The following RIPOR2 variants were observed in gnomAD, a reference collection of about 807,000 sequenced individuals.
RIPOR2 encodes RHO family interacting cell polarization regulator 2.
Under a neutral mutation model 114.5 loss-of-function variants are expected in RIPOR2, and 39 were observed. The ratio of observed to expected loss-of-function variants is 0.34; its 90% confidence interval spans 0.26 to 0.44. RIPOR2 has a LOEUF of 0.44. RIPOR2 is among the 20% of genes least tolerant of loss of function. RIPOR2 has a pLI of 1.00. For synonymous variants in RIPOR2, 445 were observed against 484.4 expected (o/e 0.92, Z 1.07); for missense variants, 1,007 against 1,255.1 (o/e 0.80, Z 2.99).
intron 20 of RIPOR2, among the ~76,000 whole-genome samples, chr6:24,810,066 G>A (rs907968046): frequency 2.6e-5 from 4 of 152,172 alleles, no homozygotes; most frequent in African/African-American, 9.7e-5. Context: ...GCCCAGGCTA[G>A]TCGAATTCTT....
At chr6:24,925,208 C>T (rs1463252689) in intron 1 of RIPOR2, among the ~76,000 whole-genome samples, 4 of 152,236 alleles carry the variant, frequency 2.6e-5, no homozygotes, top group African/African-American at 9.6e-5. Flanking sequence ...TCACTGTGTG[C>T]AGTTCTCAGT....
At chr6:24,869,017 A>G (rs1387194729) in intron 6 of RIPOR2, 77 bp downstream of exon 6, 4 of 798,286 alleles carry the variant, frequency 5.0e-6, no homozygotes, top group Non-Finnish European at 8.3e-6. Context: ...CGCACTAGAT[A>G]CTACGCTCAG....
chr6:24,847,531 G>C (rs1298689837), intron 12 of RIPOR2: 1 of 1,550,170 alleles, frequency 6.5e-7, no homozygotes, highest in East Asian at 2.4e-5. Flanking sequence ...ACCCGGGCAG[G>C]CCACACTCAC....
chr6:24,986,435 A>G (rs1293751946), intron 1 of RIPOR2, among the ~76,000 whole-genome samples: 1 of 152,240 alleles, frequency 6.6e-6, no homozygotes, highest in Admixed American at 6.5e-5. Context: ...TAAAAAGGCA[A>G]TTACATCTGG....
At chr6:24,847,245 G>A (rs544389427) in intron 12 of RIPOR2, among the ~76,000 whole-genome samples, 50 of 152,332 alleles carry the variant, frequency 3.3e-4, no homozygotes, top group African/African-American at 1.2e-3. Context: ...GAGCCACCAT[G>A]CTGGGCCGAA....
intron 18 of RIPOR2, among the ~76,000 whole-genome samples, chr6:24,827,198 C>T (rs1386382562): frequency 1.3e-5 from 2 of 152,144 alleles, no homozygotes; most frequent in Non-Finnish European, 2.9e-5. Context: ...TCTGCCCATG[C>T]TTTCTCTTCC....
chr6:24,956,162 ATTCT>A (rs1773035336), intron 1 of RIPOR2, among the ~76,000 whole-genome samples: 3 of 151,856 alleles, frequency 2.0e-5, no homozygotes, highest in Admixed American at 1.3e-4. Flanking sequence ...GGCATTGTAG[ATTCT>A]TTGTTTTTTC....
intron 1 of RIPOR2, among the ~76,000 whole-genome samples, chr6:24,990,337 T>C (rs755409455): frequency 6.6e-6 from 1 of 152,226 alleles, no homozygotes; most frequent in Admixed American, 6.5e-5. Context: ...GTGCTTCTAA[T>C]GATGTAGAAA....
chr6:24,941,364 A>G (rs991732499), intron 1 of RIPOR2, among the ~76,000 whole-genome samples: 4 of 150,226 alleles, frequency 2.7e-5, no homozygotes, highest in Admixed American at 6.6e-5. Flanking sequence ...GTTAGCTTGC[A>G]ACTAGAAACA....
intron 1 of RIPOR2, among the ~76,000 whole-genome samples, chr6:24,979,626 C>T (rs1308873775): frequency 1.3e-5 from 2 of 152,118 alleles, no homozygotes; most frequent in African/African-American, 4.8e-5. Flanking sequence ...AAGGAAAGGC[C>T]AGCTCTCACA....
chr6:24,868,752 G>C (rs762010353), intron 6 of RIPOR2, among the ~76,000 whole-genome samples: 3 of 152,224 alleles, frequency 2.0e-5, no homozygotes, highest in Non-Finnish European at 2.9e-5. Context: ...TGGAACCAGA[G>C]TGTAAAGTTA....
chr6:24,862,805 C>T (rs900346160), intron 7 of RIPOR2, among the ~76,000 whole-genome samples: 2 of 143,286 alleles, frequency 1.4e-5, no homozygotes, highest in African/African-American at 2.6e-5. Context: ...ACCACTGGCA[C>T]CCCCCCACCA....
At chr6:24,916,141 C>T (rs996075935) in intron 1 of RIPOR2, among the ~76,000 whole-genome samples, 5 of 152,254 alleles carry the variant, frequency 3.3e-5, no homozygotes, top group African/African-American at 1.2e-4. Flanking sequence ...CCTGCTTCCA[C>T]CTTTTTCCTC....
intron 1 of RIPOR2, among the ~76,000 whole-genome samples, chr6:24,977,182 T>C (rs929683340): frequency 3.3e-5 from 5 of 151,074 alleles, no homozygotes; most frequent in Admixed American, 6.7e-5. Context: ...AAAAACTAAA[T>C]AACAACAACA....
At position 24,828,146 on chromosome 6, in the gene RIPOR2, C is replaced by A. The variant is rs960386590; in HGVS notation, c.2656G>T (p.Ala886Ser). The A allele has an allele frequency of 1.9e-6, 3 of 1,546,836 alleles. No individual in the cohort carries two copies. The highest frequency in any genetic ancestry group is 2.6e-6 in the Non-Finnish European group (3 of 1,144,254). Residue 886 changes from alanine to serine, a missense_variant, in exon 18 of 22, where the codon GCC becomes TCC. Physicochemically the swap from Ala to Ser is moderately conservative, Grantham distance 99. Transcript: ENST00000643898. ...SDLESYLSQL[A>S]RQVSMVQTLQ... ...AAAGAACATGTCCCACCTTGCCTGG[C>A]CAGCTGGCTCAGGTAACTCTCCAGG...
At chr6:24,851,311 C>T (rs1402195303) in intron 9 of RIPOR2, among the ~76,000 whole-genome samples, 1 of 152,166 alleles carries the variant, frequency 6.6e-6, no homozygotes, top group Admixed American at 6.5e-5. Flanking sequence ...GCAGTTCTCT[C>T]TCTTGTTAGT....
intron 1 of RIPOR2, chr6:25,015,895 G>GTTTTTTTT (rs1561844639): frequency 3.0e-4 from 5 of 16,450 alleles, no homozygotes; most frequent in South Asian, 2.9e-3. Context: ...CAGGTTTTTT[G>GTTTTTTTT]GTTTTTTTTT....
chr6:25,026,879 A>T (rs1206496581), intron 1 of RIPOR2, among the ~76,000 whole-genome samples: 2 of 152,172 alleles, frequency 1.3e-5, no homozygotes. Context: ...TCCAGTGGAG[A>T]GGAGGCTGAG....
chr6:25,029,491 G>A lies in RIPOR2; in HGVS notation c.76+12360C>T, dbSNP rs139461085. Among the ~76,000 whole-genome samples the A allele has an allele frequency of 2.9e-3, 434 of 151,560 alleles. 2 individuals carry two copies. Among genetic ancestry groups the A allele is most frequent in the African/African-American group, 9.4e-3 (390 of 41,316 alleles). The stretch of plus-strand genomic sequence containing the variant: ...GAAACCAAGAACAAACTCTGGCCTG[G>A]ACACAAAGGAATGTTCATGTATTGA... On this transcript the variant is annotated intron_variant, in intron 1 of 13. Transcript: ENST00000510784.
Sources: allele counts gnomAD v4.1 joint callset (sites outside exome capture counted in the v4.1 genomes callset), GRCh38; gene constraint gnomAD v4.1.1; transcripts MANE v1.5; gene names NCBI Gene and HGNC (gene_info 2026-07-23, HGNC 2026-07-21).